FMNL2: variants seen among roughly 807,000 people sequenced by gnomAD.
FMNL2 encodes the protein formin like 2, also known as formin-like protein 2.
In FMNL2, 51 loss-of-function variants were observed where a neutral mutation model predicts 130.2. The observed-to-expected ratio is 0.39, with a 90% CI of 0.31 to 0.49. The LOEUF (loss-of-function observed/expected upper bound fraction) is 0.49. Among genes scored for constraint, FMNL2 ranks in the 20% least tolerant of loss-of-function variants. The pLI, the probability that FMNL2 is intolerant of heterozygous loss-of-function variation, is 0.85. For synonymous variants in FMNL2, 465 were observed against 467.1 expected (o/e 1.00, Z 0.06); for missense variants, 977 against 1,316.2 (o/e 0.74, Z 3.99).
At chr2:152,356,966 A>G (rs1284143477) in intron 1 of FMNL2, among the ~76,000 whole-genome samples, 39 of 149,096 alleles carry the variant, frequency 2.6e-4, no homozygotes, top group South Asian at 8.3e-4. Flanking sequence ...ATAACGATAA[A>G]TATTAAATAA....
Position 152,611,488 on chromosome 2 carries a change from A to T in FMNL2, c.952-7A>T. ...GCCCATCTAACCCCTTGACAATTTC[A>T]TTTCAGGTGGCTTCTATGCAGTTTA... On this transcript the variant is annotated splice_polypyrimidine_tract_variant and splice_region_variant and intron_variant, in intron 10 of 25. Coordinates refer to ENST00000288670, the MANE Select transcript of FMNL2 (RefSeq NM_052905.4). 3 of 1,557,400 alleles carry T rather than the reference A, an allele frequency of 1.9e-6. No homozygotes were observed. Among genetic ancestry groups the T allele is most frequent in the Non-Finnish European group, 1.7e-6 (2 of 1,143,602 alleles).
At chr2:152,595,669 T>C (rs1158123016) in intron 9 of FMNL2, among the ~76,000 whole-genome samples, 1 of 152,198 alleles carries the variant, frequency 6.6e-6, no homozygotes, top group Non-Finnish European at 1.5e-5. Flanking sequence ...ATTTGTTTAC[T>C]TGGGTGGATT....
chr2:152,572,794 G>GTTTT, intron 6 of FMNL2, among the ~76,000 whole-genome samples: 2 of 138,136 alleles, frequency 1.4e-5, no homozygotes, highest in South Asian at 4.6e-4. Flanking sequence ...TTCAAAACCT[G>GTTTT]TTTTTTTTTT....
At chr2:152,505,413 G>A (rs1277965028) in intron 1 of FMNL2, among the ~76,000 whole-genome samples, 1 of 152,168 alleles carries the variant, frequency 6.6e-6, no homozygotes, top group African/African-American at 2.4e-5. Flanking sequence ...ATTTTAAAAT[G>A]AAATATTAAA....
intron 2 of FMNL2, among the ~76,000 whole-genome samples, chr2:152,531,087 C>T (rs1266117206): frequency 2.0e-5 from 3 of 152,090 alleles, no homozygotes; most frequent in South Asian, 2.1e-4. Context: ...TGTTTCTTAC[C>T]GGTAAAACCA....
intron 2 of FMNL2, among the ~76,000 whole-genome samples, chr2:152,537,234 G>A (rs1437246045): frequency 3.9e-5 from 6 of 152,198 alleles, no homozygotes; most frequent in Non-Finnish European, 5.9e-5. Context: ...GTCACAGCCC[G>A]TCACTTAGTT....
intron 6 of FMNL2, among the ~76,000 whole-genome samples, chr2:152,568,797 A>G (rs1696005797): frequency 6.6e-6 from 1 of 152,288 alleles, no homozygotes; most frequent in Admixed American, 6.5e-5. Context: ...CCCAGATTCA[A>G]TTATCTCTTA....
chr2:152,561,677 G>A (rs1264660597), intron 6 of FMNL2, among the ~76,000 whole-genome samples: 2 of 151,580 alleles, frequency 1.3e-5, no homozygotes, highest in Admixed American at 6.6e-5. Context: ...AGGCTCAAGC[G>A]ATTCTCCTGC....
At chr2:152,336,249 G>T (rs1681438478) in intron 1 of FMNL2, among the ~76,000 whole-genome samples, 1 of 152,140 alleles carries the variant, frequency 6.6e-6, no homozygotes. Context: ...AACTTGGAGG[G>T]CTCACGTCGC....
At chr2:152,373,164 T>G (rs1013434821) in intron 1 of FMNL2, among the ~76,000 whole-genome samples, 3 of 152,238 alleles carry the variant, frequency 2.0e-5, no homozygotes, top group Non-Finnish European at 1.5e-5. Context: ...TGCTAAAAAT[T>G]GGTTACTGTT....
intron 4 of FMNL2, among the ~76,000 whole-genome samples, chr2:152,555,951 G>A (rs1475043091): frequency 6.6e-6 from 1 of 152,214 alleles, no homozygotes; most frequent in East Asian, 1.9e-4. Flanking sequence ...TCTGCAAAAT[G>A]AGGCATCCAT....
chr2:152,504,514 G>A (rs1015944809), intron 1 of FMNL2, among the ~76,000 whole-genome samples: 1 of 151,280 alleles, frequency 6.6e-6, no homozygotes, highest in Non-Finnish European at 1.5e-5. Flanking sequence ...CAAAGTGCTG[G>A]GATTACAGGC....
chr2:152,393,453 A>G (rs926367500), intron 1 of FMNL2, among the ~76,000 whole-genome samples: 1 of 152,188 alleles, frequency 6.6e-6, no homozygotes, highest in Non-Finnish European at 1.5e-5. Flanking sequence ...GACATTTTCT[A>G]AGACTTGTTT....
chr2:152,370,615 G>T (rs1683821692), intron 1 of FMNL2, among the ~76,000 whole-genome samples: 1 of 152,268 alleles, frequency 6.6e-6, no homozygotes, highest in Admixed American at 6.5e-5. Flanking sequence ...ACCTGTGTTG[G>T]TCCCTTAGGA....
intron 1 of FMNL2, among the ~76,000 whole-genome samples, chr2:152,348,697 A>G (rs1682274216): frequency 6.6e-6 from 1 of 151,798 alleles, no homozygotes; most frequent in Non-Finnish European, 1.5e-5. Flanking sequence ...GGAGGAGGGC[A>G]GTTTATATTT....
chr2:152,545,230 A>C (rs542722059), intron 3 of FMNL2, among the ~76,000 whole-genome samples: 2 of 152,218 alleles, frequency 1.3e-5, no homozygotes, highest in African/African-American at 4.8e-5. Flanking sequence ...CATGGCTTGC[A>C]GTTAAAATGA....
chr2:152,456,815 G>A (rs1688983358), intron 1 of FMNL2, among the ~76,000 whole-genome samples: 2 of 151,962 alleles, frequency 1.3e-5, no homozygotes, highest in African/African-American at 4.8e-5. Context: ...CGTGGCACCT[G>A]TAGTCCCAGC....
chr2:152,637,776 ACAG>A (rs1405591766), intron 23 of FMNL2, 102 bp downstream of exon 23: 6 of 1,005,310 alleles, frequency 6.0e-6, no homozygotes, highest in South Asian at 5.6e-5. Flanking sequence ...GTTCCTGTGG[ACAG>A]CAGATCTGGG....
chr2:152,584,067 C>T (rs1431435483), intron 9 of FMNL2, among the ~76,000 whole-genome samples: 5 of 151,784 alleles, frequency 3.3e-5, no homozygotes, highest in African/African-American at 4.8e-5. Context: ...CATGCAATGC[C>T]GCTCACAGCT....
Sources: allele counts gnomAD v4.1 joint callset (sites outside exome capture counted in the v4.1 genomes callset), GRCh38; gene constraint gnomAD v4.1.1; transcripts MANE v1.5; gene names NCBI Gene and HGNC (gene_info 2026-07-23, HGNC 2026-07-21).